PAN3: variants seen among roughly 807,000 people sequenced by gnomAD.
The protein encoded by PAN3 is poly(A) specific ribonuclease subunit PAN3.
Under a neutral mutation model 96.2 loss-of-function variants are expected in PAN3, and 19 were observed. The ratio of observed to expected loss-of-function variants is 0.20; its 90% confidence interval spans 0.14 to 0.29. PAN3 has a LOEUF of 0.29. Among genes scored for constraint, PAN3 ranks in the 10% least tolerant of loss-of-function variants. PAN3 has a pLI of 1.00. For synonymous variants in PAN3, 433 were observed against 406.6 expected (o/e 1.06, Z -0.78); for missense variants, 882 against 1,108.1 (o/e 0.80, Z 2.90).
At chr13:28,212,935 T>C (rs1880224870) in intron 5 of PAN3, among the ~76,000 whole-genome samples, 1 of 152,108 alleles carries the variant, frequency 6.6e-6, no homozygotes, top group African/African-American at 2.4e-5. Flanking sequence ...TTGATGAAGC[T>C]GTAAACCCAC....
At chr13:28,229,404 C>G (rs2138428259) in intron 6 of PAN3, among the ~76,000 whole-genome samples, 1 of 152,274 alleles carries the variant, frequency 6.6e-6, no homozygotes, top group Non-Finnish European at 1.5e-5. Flanking sequence ...CCATAGTACT[C>G]TCTGGCTTAA....
Position 28,267,198 on chromosome 13 carries a change from A to G in PAN3, c.1677A>G (p.Ala559=), listed in dbSNP as rs145525132. 116 of 1,613,052 alleles carry G rather than the reference A, an allele frequency of 7.2e-5. No individual in the cohort carries two copies. Among genetic ancestry groups the G allele is most frequent in the Middle Eastern group, 1.6e-4 (1 of 6,072 alleles). Reference sequence around the variant, plus strand: ...TGCGTGAAGTATTTACCACTAAAGCATTTGCTGAGCCCTGTGAGTAACTTG... The same window carrying G: ...TGCGTGAAGTATTTACCACTAAAGCGTTTGCTGAGCCCTGTGAGTAACTTG... ...VTLREVFTTK[A]FAEPSLVFAY... The change falls in exon 11 of 19, where the codon GCA becomes GCG. Residue 559 remains alanine, a synonymous_variant. Transcript: ENST00000380958.
chr13:28,159,355 A>G (rs1872620740), intron 1 of PAN3, among the ~76,000 whole-genome samples: 1 of 152,246 alleles, frequency 6.6e-6, no homozygotes, highest in Non-Finnish European at 1.5e-5. Context: ...GCAGTAGCAG[A>G]AAACCAAATA....
intron 1 of PAN3, among the ~76,000 whole-genome samples, chr13:28,139,689 C>T (rs1450706081): frequency 6.6e-6 from 1 of 151,956 alleles, no homozygotes; most frequent in Non-Finnish European, 1.5e-5. Context: ...AGCGGACTGT[C>T]GCGTTCAAAG....
intron 1 of PAN3, among the ~76,000 whole-genome samples, chr13:28,153,352 C>T (rs1019974170): frequency 6.6e-6 from 1 of 150,856 alleles, no homozygotes; most frequent in Admixed American, 6.6e-5. Flanking sequence ...TCTCCTGCCT[C>T]AGCCTCCCGA....
chr13:28,279,812 T>G (rs1196820854), intron 15 of PAN3, among the ~76,000 whole-genome samples: 1 of 151,950 alleles, frequency 6.6e-6, no homozygotes, highest in Non-Finnish European at 1.5e-5. Context: ...TTGTTTCCTT[T>G]TTTTTGAGAT....
intron 7 of PAN3, among the ~76,000 whole-genome samples, chr13:28,259,879 C>T (rs143874525): frequency 0.02 from 2,969 of 152,096 alleles, 106 homozygotes; most frequent in African/African-American, 0.067. Flanking sequence ...CTCAGGTGAT[C>T]TGCCCACCTC....
Position 28,139,064 on chromosome 13 carries a change from G to C in PAN3, c.407G>C (p.Gly136Ala), listed in dbSNP as rs1732095696. 7.1e-6 allele frequency: 9 copies of C among 1,275,012 alleles called. No individual in the cohort carries two copies. The highest frequency in any genetic ancestry group is 8.9e-6 in the Non-Finnish European group (9 of 1,011,890). The allele number at this position is 1,275,012 out of a possible 1,614,324, so 79.0% of individuals were successfully genotyped here. The change falls in exon 1 of 19, where the codon GGA becomes GCA. Residue 136 changes from glycine to alanine, a missense_variant. Gly to Ala is a moderately conservative substitution (Grantham distance 60). Coordinates refer to ENST00000380958, the MANE Select transcript of PAN3 (RefSeq NM_175854.8). ...GCCGGCGGAGGAGGCAGTAGCGGGG[G>C]ACTCGATGGACCGCGGCTGGCAAGT... The part of the protein sequence containing the change: ...AAAGGGGSSG[G>A]LDGPRLAIPG...
chr13:28,212,556 T>A (rs1880175348), intron 5 of PAN3, among the ~76,000 whole-genome samples: 1 of 152,158 alleles, frequency 6.6e-6, no homozygotes, highest in Non-Finnish European at 1.5e-5. Context: ...CGTGAAAACA[T>A]CAACAATAAT....
intron 6 of PAN3, among the ~76,000 whole-genome samples, chr13:28,225,752 A>G (rs1022405282): frequency 2.6e-5 from 4 of 151,722 alleles, no homozygotes; most frequent in Non-Finnish European, 5.9e-5. Context: ...GCTGAATGGG[A>G]AAAAAAAACT....
At chr13:28,283,108 GC>G (rs1231804287) in intron 17 of PAN3, among the ~76,000 whole-genome samples, 2 of 152,106 alleles carry the variant, frequency 1.3e-5, no homozygotes, top group East Asian at 3.9e-4. Flanking sequence ...GAGTGCAATG[GC>G]GCATTCTTGG....
rs117844265 is a variant in PAN3, at chr13:28,185,846, G to A, written c.690+7911G>A. On this transcript the variant is annotated intron_variant, in intron 4 of 18. Transcript: ENST00000380958. ...CTAGTAGATCATTCTAAGGTTAGCT[G>A]GTTGGCTTCTTTACACTCTGGTCAT... Among the ~76,000 whole-genome samples, 9 of 152,246 alleles carry A rather than the reference G, an allele frequency of 5.9e-5. No homozygotes were observed. The East Asian group carries it at 1.7e-3, about 29-fold the overall frequency.
chr13:28,178,037 T>G (rs1204812181), intron 4 of PAN3, 102 bp downstream of exon 4: 1 of 991,072 alleles, frequency 1.0e-6, no homozygotes, highest in African/African-American at 1.6e-5. Context: ...GAGGGAGAGC[T>G]TTTTATGGGC....
intron 15 of PAN3, among the ~76,000 whole-genome samples, chr13:28,277,994 TCACAACAG>T (rs1887194779): frequency 6.6e-6 from 1 of 152,252 alleles, no homozygotes; most frequent in Non-Finnish European, 1.5e-5. Flanking sequence ...TGGACTACTG[TCACAACAG>T]AAGGACTTCT....
At chr13:28,228,823 T>C (rs1341507658) in intron 6 of PAN3, among the ~76,000 whole-genome samples, 1 of 152,210 alleles carries the variant, frequency 6.6e-6, no homozygotes, top group Non-Finnish European at 1.5e-5. Context: ...CATAATCTTA[T>C]TGCTCACTGT....
At position 28,182,275 on chromosome 13, in the gene PAN3, T is replaced by C. The variant is rs560036378; in HGVS notation, c.690+4340T>C. Among the ~76,000 whole-genome samples the C allele has an allele frequency of 1.2e-4, 18 of 152,300 alleles. No individual in the cohort carries two copies. The South Asian group carries it at 3.1e-3, about 26-fold the overall frequency. ...GGCAAATCCCAGGCAAAATGAGAAATCTTTCAAATTTGTGTCAGCTTGGCT... is the reference window on the plus strand; with the variant it reads ...GGCAAATCCCAGGCAAAATGAGAAACCTTTCAAATTTGTGTCAGCTTGGCT... On this transcript the variant is annotated intron_variant, in intron 4 of 18. Coordinates refer to ENST00000380958, the MANE Select transcript of PAN3 (RefSeq NM_175854.8).
At chr13:28,145,306 G>C (rs1870482300) in intron 1 of PAN3, among the ~76,000 whole-genome samples, 1 of 151,908 alleles carries the variant, frequency 6.6e-6, no homozygotes, top group South Asian at 2.1e-4. Flanking sequence ...TTAATGGTTT[G>C]GCTTTCAATT....
rs908320564 is a variant in PAN3 at position 28,142,221 on chromosome 13, T to G, written c.430+3134T>G. Among the ~76,000 whole-genome samples, 3 of 152,210 alleles carry G rather than the reference T, an allele frequency of 2.0e-5. No homozygotes were observed. The South Asian group carries it at 6.2e-4, about 32-fold the overall frequency. ...TTGCTCAGGAATCAGGAAAAAAGGTTGTGTTGGTAATTGTATGGCTTTTTT... is the reference window on the plus strand; with the variant it reads ...TTGCTCAGGAATCAGGAAAAAAGGTGGTGTTGGTAATTGTATGGCTTTTTT... On this transcript the variant is annotated intron_variant, in intron 1 of 18. Transcript: ENST00000380958.
chr13:28,234,649 A>T (rs1421918279), intron 6 of PAN3, among the ~76,000 whole-genome samples: 1 of 152,146 alleles, frequency 6.6e-6, no homozygotes, highest in African/African-American at 2.4e-5. Flanking sequence ...CTCTTATCCT[A>T]CATTCTGTTT....
Sources: gnomAD v4.1 joint callset for allele counts (sites outside exome capture counted in the v4.1 genomes callset) on GRCh38, gnomAD v4.1.1 for gene constraint, MANE v1.5 for transcripts, NCBI Gene and HGNC (gene_info 2026-07-23, HGNC 2026-07-21) for gene names.